Variants in CSGALNACT1 observed in about 807,000 individuals in gnomAD.
CSGALNACT1 encodes the protein chondroitin sulfate N-acetylgalactosaminyltransferase 1, also known as beta4GalNAcT-1.
Under a neutral mutation model 51.0 loss-of-function variants are expected in CSGALNACT1, and 52 were observed. The observed-to-expected ratio is 1.02, with a 90% confidence interval of 0.82 to 1.29. The LOEUF (loss-of-function observed/expected upper bound fraction) is 1.29. Among genes scored for constraint, CSGALNACT1 ranks in the 50% most tolerant of loss-of-function variants. CSGALNACT1 has a pLI of 0.00. For synonymous variants in CSGALNACT1, 341 were observed against 254.4 expected, an observed-to-expected ratio of 1.34 and a Z score of -3.24; for missense variants, 935 against 679.2, an observed-to-expected ratio of 1.38 and a Z score of -4.19.
At chr8:19,470,111 G>C (rs1387249558) in intron 4 of CSGALNACT1, among the ~76,000 whole-genome samples, 2 of 152,196 alleles carry the variant, frequency 1.3e-5, no homozygotes, top group Admixed American at 1.3e-4. Context: ...CAGGGACGGA[G>C]TGAGAAGGTG....
At chr8:19,424,897 G>A (rs997584250) in intron 6 of CSGALNACT1, among the ~76,000 whole-genome samples, 1 of 152,200 alleles carries the variant, frequency 6.6e-6, no homozygotes, top group Non-Finnish European at 1.5e-5. Context: ...TGGTTGCCAG[G>A]CAGGCATGCT....
At chr8:19,667,089 A>AAGAAAGAAAGAAAG (rs2059436328) in intron 1 of CSGALNACT1, among the ~76,000 whole-genome samples, 1 of 122,216 alleles carries the variant, frequency 8.2e-6, no homozygotes, top group African/African-American at 3.2e-5. Context: ...GAAAGAAAGA[A>AAGAAAGAAAGAAAG]AGAAAGAAAG....
At chr8:19,488,876 G>C (rs943738004) in intron 4 of CSGALNACT1, among the ~76,000 whole-genome samples, 2 of 152,166 alleles carry the variant, frequency 1.3e-5, no homozygotes, top group Non-Finnish European at 2.9e-5. Context: ...ATCGGGATGG[G>C]ATTGTCTCAT....
chr8:19,425,670 G>A (rs1030687109), intron 6 of CSGALNACT1, among the ~76,000 whole-genome samples: 2 of 152,128 alleles, frequency 1.3e-5, no homozygotes, highest in African/African-American at 4.8e-5. Context: ...GGTTGCAGAT[G>A]CTCCTGTGGT....
chr8:19,620,645 G>C (rs1346373421), intron 1 of CSGALNACT1, among the ~76,000 whole-genome samples: 1 of 152,096 alleles, frequency 6.6e-6, no homozygotes, highest in African/African-American at 2.4e-5. Flanking sequence ...ACGTTGCCCA[G>C]GTAGGTCTTC....
At chr8:19,625,446 C>T (rs2054325484) in intron 1 of CSGALNACT1, among the ~76,000 whole-genome samples, 1 of 152,208 alleles carries the variant, frequency 6.6e-6, no homozygotes. Context: ...CAGGAGTTGA[C>T]TCCAGGTCTA....
At chr8:19,698,444 C>T (rs1589574407) in intron 1 of CSGALNACT1, among the ~76,000 whole-genome samples, 1 of 152,314 alleles carries the variant, frequency 6.6e-6, no homozygotes, top group Middle Eastern at 3.4e-3. Context: ...GCTACTATCT[C>T]ATTAATACCC....
At chr8:19,643,795 T>A (rs1480466270) in intron 1 of CSGALNACT1, among the ~76,000 whole-genome samples, 3 of 152,240 alleles carry the variant, frequency 2.0e-5, no homozygotes, top group African/African-American at 7.2e-5. Flanking sequence ...CAATGCCTGT[T>A]GGAGAATATT....
At chr8:19,619,778 T>C (rs1189624528) in intron 1 of CSGALNACT1, among the ~76,000 whole-genome samples, 1 of 152,030 alleles carries the variant, frequency 6.6e-6, no homozygotes, top group African/African-American at 2.4e-5. Context: ...GAATAAACAT[T>C]GATAACAAAA....
intron 1 of CSGALNACT1, among the ~76,000 whole-genome samples, chr8:19,634,740 A>T (rs1011644685): frequency 3.9e-5 from 6 of 152,184 alleles, no homozygotes; most frequent in African/African-American, 1.4e-4. Flanking sequence ...GAAGGCAGTC[A>T]TCTACAAGCC....
intron 6 of CSGALNACT1, among the ~76,000 whole-genome samples, chr8:19,437,158 A>C (rs1218252319): frequency 1.3e-5 from 2 of 152,084 alleles, no homozygotes; most frequent in Non-Finnish European, 2.9e-5. Flanking sequence ...GCAGAAAGTG[A>C]GTATAGTTGG....
At chr8:19,643,643 A>G (rs1002961767) in intron 1 of CSGALNACT1, among the ~76,000 whole-genome samples, 4 of 152,310 alleles carry the variant, frequency 2.6e-5, no homozygotes, top group South Asian at 2.1e-4. Context: ...ATCTTAAAAA[A>G]AAAAAAAAAG....
chr8:19,548,313 G>A (rs1376108480), intron 3 of CSGALNACT1, among the ~76,000 whole-genome samples: 2 of 152,156 alleles, frequency 1.3e-5, no homozygotes, highest in South Asian at 2.1e-4. Flanking sequence ...AAGTTAGACA[G>A]TAAGTGTGAA....
chr8:19,500,660 G>A (rs1044043407), intron 4 of CSGALNACT1, among the ~76,000 whole-genome samples: 3 of 152,112 alleles, frequency 2.0e-5, no homozygotes, highest in East Asian at 1.9e-4. Flanking sequence ...CACTATCCCC[G>A]TGAGGTGTTT....
chr8:19,752,444 G>C (rs2065101910), intron 1 of CSGALNACT1, among the ~76,000 whole-genome samples: 1 of 152,098 alleles, frequency 6.6e-6, no homozygotes, highest in Non-Finnish European at 1.5e-5. Context: ...TTGACCTATT[G>C]ACTGATGCGT....
At chr8:19,542,143 T>C (rs748263575) in intron 3 of CSGALNACT1, among the ~76,000 whole-genome samples, 1 of 151,722 alleles carries the variant, frequency 6.6e-6, no homozygotes, top group Non-Finnish European at 1.5e-5. Flanking sequence ...TGTGAGCTCC[T>C]TGATTTAGAC....
rs927505017 is a variant in CSGALNACT1, at chr8:19,418,630, G to C, written c.1227+26C>G. 2.7e-6 allele frequency: 4 copies of C among 1,479,160 alleles called. No homozygotes were observed. In the African/African-American group the frequency reaches 4.2e-5, roughly 15 times the overall value. 91.6% of individuals were successfully genotyped at this position (1,479,160 alleles called of 1,614,324 possible). ...GACAGACACTAAACAGAGCCACACA[G>C]AGCCATCTGCAGGGTAATTACTCAC... is the stretch of plus-strand genomic sequence containing the variant. On this transcript the variant is annotated intron_variant, in intron 8 of 9. Transcript: ENST00000454498.
At chr8:19,697,654 T>C (rs1193361636) in intron 1 of CSGALNACT1, among the ~76,000 whole-genome samples, 1 of 152,112 alleles carries the variant, frequency 6.6e-6, no homozygotes, top group Non-Finnish European at 1.5e-5. Context: ...GCAAGCTCCA[T>C]GCTATGGGTC....
At chr8:19,635,714 A>T (rs897708506) in intron 1 of CSGALNACT1, among the ~76,000 whole-genome samples, 3 of 152,042 alleles carry the variant, frequency 2.0e-5, no homozygotes, top group Non-Finnish European at 2.9e-5. Context: ...AAGTCTTTCC[A>T]CTTCCCTTTT....
Sources: allele counts gnomAD v4.1 joint callset (sites outside exome capture counted in the v4.1 genomes callset), GRCh38; gene constraint gnomAD v4.1.1; transcripts MANE v1.5; gene names NCBI Gene and HGNC (gene_info 2026-07-23, HGNC 2026-07-21).